UGT1A5: variants seen among roughly 807,000 people sequenced by gnomAD.
The protein encoded by UGT1A5 is UDP-glucuronosyltransferase 1A5.
A neutral mutation model predicts 40.3 loss-of-function variants in UGT1A5; 29 were observed. The observed-to-expected ratio is 0.72, with a 90% confidence interval of 0.54 to 0.98. The LOEUF (loss-of-function observed/expected upper bound fraction) is 0.98. UGT1A5 is among the 50% of genes least tolerant of loss of function. UGT1A5 has a pLI of 0.00. For synonymous variants in UGT1A5, 257 were observed against 262.5 expected (o/e 0.98, Z 0.20); for missense variants, 678 against 677.9 (o/e 1.00, Z 0.00).
chr2:233,716,576 A>G, intron 1 of UGT1A5, among the ~76,000 whole-genome samples: 1 of 152,194 alleles, frequency 6.6e-6, no homozygotes. Flanking sequence ...TAAAAACAAT[A>G]CTTTCAAAGA....
intron 2 of UGT1A5, 64 bp downstream of exon 2, chr2:233,767,229 A>T (rs1699343711): frequency 6.2e-7 from 1 of 1,610,454 alleles, no homozygotes; most frequent in South Asian, 1.1e-5. Context: ...CCAGACTTCC[A>T]GCTTCCAGAT....
intron 1 of UGT1A5, chr2:233,729,848 G>C: frequency 6.2e-7 from 1 of 1,613,874 alleles, no homozygotes; most frequent in Non-Finnish European, 8.5e-7. Context: ...CTTTTTCAGA[G>C]AGAGGTGTCA....
intron 1 of UGT1A5, chr2:233,743,866 C>G (rs1227330853): frequency 7.3e-7 from 1 of 1,367,058 alleles, no homozygotes; most frequent in Non-Finnish European, 9.8e-7. Context: ...TCTTGATGGC[C>G]TCGGATGAGG....
intron 1 of UGT1A5, among the ~76,000 whole-genome samples, chr2:233,739,216 G>A (rs1265405440): frequency 6.6e-6 from 1 of 152,218 alleles, no homozygotes; most frequent in Admixed American, 6.5e-5. Context: ...CATGGATAGA[G>A]TCCTTATAGA....
intron 1 of UGT1A5, chr2:233,739,055 G>T (rs995568574): frequency 1.3e-5 from 2 of 152,274 alleles, no homozygotes; most frequent in Admixed American, 6.5e-5. Context: ...TCAGGCCATT[G>T]CTTCAGAGGG....
chr2:233,755,026 G>T, intron 1 of UGT1A5: 1 of 1,306,986 alleles, frequency 7.7e-7, no homozygotes, highest in South Asian at 1.2e-5. Context: ...TCCTTGAAGG[G>T]CCTGCCGCCT....
intron 1 of UGT1A5, among the ~76,000 whole-genome samples, chr2:233,725,052 C>G (rs575446926): frequency 6.8e-6 from 1 of 147,562 alleles, no homozygotes; most frequent in Non-Finnish European, 1.5e-5. Flanking sequence ...TCAGGCGTGG[C>G]GGCGCGCGCC....
Position 233,769,872 on chromosome 2 carries a change from A to G in UGT1A5, c.1307+1433A>G. 2.2e-6 allele frequency: 1 copy of G among 452,556 alleles called. No individual in the cohort carries two copies. The highest frequency in any genetic ancestry group is 3.7e-6 in the Non-Finnish European group (1 of 267,272). The allele number at this position is 452,556 out of a possible 1,614,324, so 28.0% of individuals were successfully genotyped here. A position where few individuals can be genotyped will look rare whatever the true frequency, so the allele number is the denominator to read the frequency against. ...GACCCTGTCTCAAAAAAAAAAAAAA[A>G]AATGAAAAGTCCACATAACCTGAGC... On this transcript the variant is annotated intron_variant, in intron 4 of 4. Coordinates refer to ENST00000373414, the MANE Select transcript of UGT1A5 (RefSeq NM_019078.2). The surrounding 1 kb of genome is among the most constrained non-coding windows in gnomAD (Gnocchi z 4.4).
At chr2:233,747,551 T>C in intron 1 of UGT1A5, 1 of 1,601,212 alleles carries the variant, frequency 6.2e-7, no homozygotes, top group Non-Finnish European at 8.6e-7. Context: ...TTTCTAAAAG[T>C]ATGGCAATTT....
chr2:233,747,487 T>A lies in UGT1A5; in HGVS notation c.868-19547T>A, dbSNP rs547060406. 1.9e-5 allele frequency: 31 copies of A among 1,608,702 alleles called. 1 individual carries two copies. In the South Asian group the frequency reaches 2.7e-4, roughly 14 times the overall value. On this transcript the variant is annotated intron_variant, in intron 1 of 4. Transcript: ENST00000373414. ...TGGACCCAGGATGAATTTGATCGCC[T>A]TGTGCTGGGCCACACTCAACTGTAC...
intron 1 of UGT1A5, chr2:233,730,108 C>T (rs1261016305): frequency 1.3e-6 from 2 of 1,570,456 alleles, no homozygotes; most frequent in Non-Finnish European, 1.7e-6. Flanking sequence ...TTCATTTCTG[C>T]TTCTCCTTGT....
Position 233,729,464 on chromosome 2 carries a change from G to C in UGT1A5, c.867+15606G>C, listed in dbSNP as rs146268573. ...CATTTTCTGAAGAAATTTTTCAGAA[G>C]TATGGCAATGTTGAACAATATGTCT... On this transcript the variant is annotated intron_variant, in intron 1 of 4. Coordinates refer to ENST00000373414, the MANE Select transcript of UGT1A5 (RefSeq NM_019078.2). 178 of 1,614,158 alleles carry C rather than the reference G, an allele frequency of 1.1e-4. 1 individual carries two copies. In the African/African-American group the frequency reaches 2.0e-3, roughly 18 times the overall value.
intron 1 of UGT1A5, among the ~76,000 whole-genome samples, chr2:233,738,028 A>G (rs1242649039): frequency 6.6e-6 from 1 of 151,924 alleles, no homozygotes; most frequent in Non-Finnish European, 1.5e-5. Context: ...TAATCCCCAT[A>G]ATCCCCACGT....
intron 1 of UGT1A5, among the ~76,000 whole-genome samples, chr2:233,720,721 CTT>C (rs1479620216): frequency 1.4e-5 from 1 of 71,278 alleles, no homozygotes; most frequent in Non-Finnish European, 3.0e-5. Context: ...TTTTTTTTTT[CTT>C]GAGACTGAGC....
At chr2:233,751,299 A>G (rs528984436) in intron 1 of UGT1A5, among the ~76,000 whole-genome samples, 1 of 152,078 alleles carries the variant, frequency 6.6e-6, no homozygotes, top group South Asian at 2.1e-4. Context: ...TGGAATGGGA[A>G]TATTTACCCA....
chr2:233,744,372 A>C (rs181518181), intron 1 of UGT1A5, among the ~76,000 whole-genome samples: 3 of 151,890 alleles, frequency 2.0e-5, no homozygotes. Flanking sequence ...TTAGGACTGC[A>C]GTTCTCCAAC....
chr2:233,727,709 GC>G (rs369344030), intron 1 of UGT1A5, among the ~76,000 whole-genome samples: 1 of 152,290 alleles, frequency 6.6e-6, no homozygotes, highest in African/African-American at 2.4e-5. Context: ...AGTTCCCAAA[GC>G]CCTTGCAGAC....
In UGT1A5 at chr2:233,713,287, C is replaced by T. The variant is rs28946880; in HGVS notation, c.296C>T (p.Ser99Leu). 6 of 1,614,228 alleles carry T rather than the reference C, an allele frequency of 3.7e-6. No homozygotes were observed. The highest frequency in any genetic ancestry group is 5.1e-6 in the Non-Finnish European group (6 of 1,180,044). The change falls in exon 1 of 5, where the codon TCG becomes TTG. Residue 99 changes from serine to leucine, a missense_variant. Physicochemically the swap from Ser to Leu is moderately radical, Grantham distance 145 (BLOSUM62 -2). Transcript: ENST00000373414. ...CGCCTTTTGCTGGGTCACACTCAAT[C>T]GTTCTTTGAAACAGAACATCTTCTG... is the stretch of plus-strand genomic sequence containing the variant. Reference protein sequence around the residue: ...FDRLLLGHTQSFFETEHLLMK... With the variant: ...FDRLLLGHTQLFFETEHLLMK...
intron 1 of UGT1A5, chr2:233,721,743 A>G: frequency 2.3e-6 from 1 of 437,974 alleles, no homozygotes; most frequent in Non-Finnish European, 4.5e-6. Flanking sequence ...TAATGATGAG[A>G]GAATCTACAT....
Sources: allele counts gnomAD v4.1 joint callset (sites outside exome capture counted in the v4.1 genomes callset), GRCh38; gene constraint gnomAD v4.1.1; non-coding constraint Gnocchi (gnomAD v3.1); transcripts MANE v1.5; gene names NCBI Gene and HGNC (gene_info 2026-07-23, HGNC 2026-07-21).